The following SNX31 variants were observed in gnomAD, a reference collection of about 807,000 sequenced individuals.
The protein encoded by SNX31 is sorting nexin-31.
A neutral mutation model predicts 65.4 loss-of-function variants in SNX31; 58 were observed. The ratio of observed to expected loss-of-function variants is 0.89; its 90% CI spans 0.72 to 1.10. The LOEUF (loss-of-function observed/expected upper bound fraction) is 1.10. Among genes scored for constraint, SNX31 ranks in the 50% least tolerant of loss-of-function variants. The probability of loss-of-function intolerance (pLI) is 0.00; values close to 1 mark genes in which losing one functional copy is unlikely to be tolerated. For missense variants in SNX31, 523 were observed against 529.7 expected (o/e 0.99, Z 0.12); for synonymous variants, 181 against 190.1 (o/e 0.95, Z 0.39).
chr8:100,574,032 G>C (rs913065836), intron 13 of SNX31, 72 bp from the exon 14 acceptor site: 2 of 922,658 alleles, frequency 2.2e-6, no homozygotes, highest in East Asian at 2.6e-5. Flanking sequence ...CAAAGTCACA[G>C]AGGTTAAAAC....
In SNX31 at chr8:100,588,914, T is replaced by C. The variant is rs753876245; in HGVS notation, c.1044A>G (p.Gln348=). The C allele has an allele frequency of 6.8e-6, 11 of 1,613,950 alleles. No individual in the cohort carries two copies. The highest frequency in any genetic ancestry group is 9.3e-6 in the Non-Finnish European group (11 of 1,179,970). Residue 348 remains glutamine (Q), a synonymous_variant, in exon 11 of 14, where the codon CAA becomes CAG. Coordinates refer to ENST00000311812, the MANE Select transcript of SNX31 (RefSeq NM_152628.4). The surrounding 1 kb of genome is among the most constrained non-coding windows in gnomAD (Gnocchi z 4.8). ...TLNQNLELRF[Q]YSEDSCWQWF... ...ACTGCCAGCAACTATCCTCACTGTA[T>C]TGAAATCTGAGCTCTAAGTTCTGGT...
At chr8:100,605,034 G>C (rs1372153941) in intron 8 of SNX31, among the ~76,000 whole-genome samples, 3 of 152,088 alleles carry the variant, frequency 2.0e-5, no homozygotes, top group African/African-American at 7.2e-5. Flanking sequence ...GAGTAGCTGG[G>C]ACTACAGGCG....
chr8:100,597,107 A>G (rs920514250), intron 9 of SNX31, among the ~76,000 whole-genome samples: 25 of 152,142 alleles, frequency 1.6e-4, no homozygotes, highest in African/African-American at 5.6e-4. Context: ...TGCCCCTGTT[A>G]TGGTGCTTGG....
chr8:100,576,967 A>T lies in SNX31; in HGVS notation c.1227+52T>A. ...TGACTTTGGTTAAAGAGGAAAAAAG[A>T]TCAGATTTATCAAAATTATAATGTA... is the stretch of plus-strand genomic sequence containing the variant. On this transcript the variant is annotated intron_variant, in intron 13 of 13. Transcript: ENST00000311812. The surrounding 1 kb of genome is among the most constrained non-coding windows in gnomAD (Gnocchi z 4.8). The T allele has an allele frequency of 7.0e-7, 1 of 1,420,238 alleles. No individual in the cohort carries two copies. Among genetic ancestry groups the T allele is most frequent in the Non-Finnish European group, 9.8e-7 (1 of 1,015,956 alleles). 88.0% of individuals were successfully genotyped at this position (1,420,238 alleles called of 1,614,324 possible). A position where few individuals can be genotyped will look rare whatever the true frequency, so the allele number is the denominator to read the frequency against.
intron 3 of SNX31, among the ~76,000 whole-genome samples, chr8:100,634,728 G>A (rs1428866261): frequency 1.3e-5 from 2 of 149,428 alleles, no homozygotes; most frequent in Non-Finnish European, 3.0e-5. Flanking sequence ...CAGCCTGGGC[G>A]ACAGAGCGAG....
intron 4 of SNX31, chr8:100,618,058 G>T (rs1817383679): frequency 3.0e-6 from 3 of 984,740 alleles, no homozygotes; most frequent in Admixed American, 1.2e-4. Flanking sequence ...GAGCCACCAC[G>T]CCCGGCCTCC....
chr8:100,626,042 CAT>C lies in SNX31; in HGVS notation c.321+4283_321+4284del, dbSNP rs1818019641. Among the ~76,000 whole-genome samples, 1 of 152,138 alleles carries C rather than the reference CAT, an allele frequency of 6.6e-6. No individual in the cohort carries two copies. Among genetic ancestry groups the C allele is most frequent in the Non-Finnish European group, 1.5e-5 (1 of 68,016 alleles). On this transcript the variant is annotated intron_variant, in intron 4 of 13. Transcript: ENST00000311812. The surrounding 1 kb of genome is among the most constrained non-coding windows in gnomAD (Gnocchi z 4.4). ...AGGAGTTCAAGACCAGCCTGACCAA[CAT>C]GGAGAAACCCCATCTCTACTAAAAT...
At chr8:100,662,295 C>A (rs1809800837) in intron 1 of SNX31, among the ~76,000 whole-genome samples, 1 of 152,230 alleles carries the variant, frequency 6.6e-6, no homozygotes, top group Non-Finnish European at 1.5e-5. Context: ...AGCCGGTATT[C>A]TCAACTGTCA....
At chr8:100,620,775 T>C (rs1002079071) in intron 4 of SNX31, among the ~76,000 whole-genome samples, 5 of 152,180 alleles carry the variant, frequency 3.3e-5, no homozygotes, top group African/African-American at 9.7e-5. Flanking sequence ...CCATTATTTT[T>C]TCAGATGAAG....
chr8:100,651,654 G>A (rs1160170718), upstream of SNX31, among the ~76,000 whole-genome samples: 3 of 152,232 alleles, frequency 2.0e-5, no homozygotes, highest in Non-Finnish European at 2.9e-5. Context: ...CACTGTGCAA[G>A]ACAATCTTCA....
Position 100,596,673 on chromosome 8 carries a change from A to G in SNX31, c.944T>C (p.Met315Thr), listed in dbSNP as rs1336494641. The part of the protein sequence containing the change: ...DSQTQDIVFQ[M>T]SRVKCWQVTF... Reference sequence around the variant, plus strand: ...GACCTGCCAGCACTTCACCCTGCTCATCTGGAAAACGATGTCCTGGGTCTG... The same window carrying G: ...GACCTGCCAGCACTTCACCCTGCTCGTCTGGAAAACGATGTCCTGGGTCTG... The change falls in exon 10 of 14, where the codon ATG (methionine) becomes ACG (threonine). Residue 315 changes from methionine to threonine, a missense_variant. Physicochemically the swap from Met to Thr is moderately conservative, Grantham distance 81. Transcript: ENST00000311812. The G allele has an allele frequency of 1.9e-6, 3 of 1,614,194 alleles. No homozygotes were observed. The highest frequency in any genetic ancestry group is 2.2e-5 in the South Asian group (2 of 91,084).
rs927046613 is a variant in SNX31 at position 100,604,111 on chromosome 8, A to G, written c.682-3670T>C. Among the ~76,000 whole-genome samples the G allele has an allele frequency of 6.6e-6, 1 of 152,150 alleles. No individual in the cohort carries two copies. Among genetic ancestry groups the G allele is most frequent in the Admixed American group, 6.5e-5 (1 of 15,282 alleles). On this transcript the variant is annotated intron_variant, in intron 8 of 13. Coordinates refer to ENST00000311812, the MANE Select transcript of SNX31 (RefSeq NM_152628.4). This position sits in a 1 kb window ranked among gnomAD's most constrained non-coding sequence, Gnocchi z 4.3. ...GTCATCAACTCAAATGTGATATTATACAGTGCCTCACTCTGAGTAGGTCCA... is the reference window on the plus strand; with the variant it reads ...GTCATCAACTCAAATGTGATATTATGCAGTGCCTCACTCTGAGTAGGTCCA...
At position 100,612,560 on chromosome 8, in the gene SNX31, A is replaced by C. The variant is rs893689640; in HGVS notation, c.523+435T>G. Among the ~76,000 whole-genome samples the C allele has an allele frequency of 3.3e-5, 5 of 152,226 alleles. No individual in the cohort carries two copies. The highest frequency in any genetic ancestry group is 1.2e-4 in the African/African-American group (5 of 41,458). On this transcript the variant is annotated intron_variant, in intron 6 of 13. Coordinates refer to ENST00000311812, the MANE Select transcript of SNX31 (RefSeq NM_152628.4). This position sits in a 1 kb window ranked among gnomAD's most constrained non-coding sequence, Gnocchi z 4.3. ...GATAGGAGAATCAGACTGTCTTCTT[A>C]CACTATCTCATTACACTTGAAAAAA...
At chr8:100,581,580 G>A (rs1167486976) in intron 12 of SNX31, among the ~76,000 whole-genome samples, 2 of 152,018 alleles carry the variant, frequency 1.3e-5, no homozygotes, top group Admixed American at 6.5e-5. Context: ...TCTGCTTCTA[G>A]GGATGATCTG....
intron 1 of SNX31, among the ~76,000 whole-genome samples, chr8:100,654,750 C>T (rs1587112882): frequency 6.6e-6 from 1 of 152,334 alleles, no homozygotes; most frequent in South Asian, 2.1e-4. Flanking sequence ...CAGTGGCTCT[C>T]ACCTGTAATC....
Position 100,588,905 on chromosome 8 carries a change from C to A in SNX31, c.1053G>T (p.Glu351Asp). The change falls in exon 11 of 14, where the codon GAG (glutamate) becomes GAT (aspartate). Residue 351 changes from glutamate (E) to aspartate (D), a missense_variant. By Grantham distance (45) the Glu-to-Asp change is conservative. Transcript: ENST00000311812. This position sits in a 1 kb window ranked among gnomAD's most constrained non-coding sequence, Gnocchi z 4.8. ...TAACAAACCACTGCCAGCAACTATCCTCACTGTATTGAAATCTGAGCTCTA... is the reference window on the plus strand; with the variant it reads ...TAACAAACCACTGCCAGCAACTATCATCACTGTATTGAAATCTGAGCTCTA... ...QNLELRFQYS[E>D]DSCWQWFVIY... is the part of the protein sequence containing the mutation. 1 of 1,614,064 alleles carries A rather than the reference C, an allele frequency of 6.2e-7. No individual in the cohort carries two copies. Among genetic ancestry groups the A allele is most frequent in the Non-Finnish European group, 8.5e-7 (1 of 1,179,942 alleles).
intron 8 of SNX31, among the ~76,000 whole-genome samples, chr8:100,601,910 C>T (rs1436926532): frequency 6.6e-6 from 1 of 152,164 alleles, no homozygotes; most frequent in Non-Finnish European, 1.5e-5. Flanking sequence ...GGCACCTTTT[C>T]CTGTGCTCTT....
At chr8:100,642,156 A>G (rs933973262) in intron 2 of SNX31, among the ~76,000 whole-genome samples, 43 of 152,184 alleles carry the variant, frequency 2.8e-4, no homozygotes, top group African/African-American at 1.0e-3. Flanking sequence ...GCCCTTCCAG[A>G]GACTGTCAAA....
In SNX31 at chr8:100,604,269, A is replaced by C. The variant is rs2130963733; in HGVS notation, c.682-3828T>G. 6.6e-6 allele frequency among the ~76,000 whole-genome samples: 1 copy of C among 152,352 alleles called. No homozygotes were observed. The highest frequency in any genetic ancestry group is 6.5e-5 in the Admixed American group (1 of 15,302). ...GGTGCTGCAGATAGAAAAAAAGAAA[A>C]AAATAATAAAATTAAAAATTTTAAA... On this transcript the variant is annotated intron_variant, in intron 8 of 13. Transcript: ENST00000311812. The surrounding 1 kb of genome is among the most constrained non-coding windows in gnomAD (Gnocchi z 4.3).
Sources: allele counts gnomAD v4.1 joint callset (sites outside exome capture counted in the v4.1 genomes callset), GRCh38; gene constraint gnomAD v4.1.1; non-coding constraint Gnocchi (gnomAD v3.1); transcripts MANE v1.5; gene names NCBI Gene and HGNC (gene_info 2026-07-23, HGNC 2026-07-21).